The following CNTNAP2 variants were observed in gnomAD, a reference collection of about 807,000 sequenced individuals.
The protein encoded by CNTNAP2 is contactin-associated protein-like 2.
Under a neutral mutation model 155.2 loss-of-function variants are expected in CNTNAP2, and 98 were observed. The observed-to-expected ratio is 0.63, with a 90% confidence interval of 0.54 to 0.75. The LOEUF is 0.75. Ranked by LOEUF, CNTNAP2 falls within the 30% of genes least tolerant of loss-of-function variation. The probability of loss-of-function intolerance (pLI) is 0.00; values close to 1 mark genes in which losing one functional copy is unlikely to be tolerated. For missense variants in CNTNAP2, 1,727 were observed against 1,688.1 expected, an observed-to-expected ratio of 1.02 and a Z score of -0.40; for synonymous variants, 651 against 631.2, an observed-to-expected ratio of 1.03 and a Z score of -0.47.
At chr7:146,782,506 T>A (rs764354252) in intron 2 of CNTNAP2, among the ~76,000 whole-genome samples, 1 of 152,206 alleles carries the variant, frequency 6.6e-6, no homozygotes, top group Non-Finnish European at 1.5e-5. Context: ...AGGACAAGCA[T>A]GGGATTAGCA....
intron 3 of CNTNAP2, among the ~76,000 whole-genome samples, chr7:146,891,785 C>T (rs187889857): frequency 5.3e-5 from 8 of 152,196 alleles, no homozygotes; most frequent in East Asian, 1.9e-4. Context: ...TAGCAGGCCT[C>T]GTCAACACAG....
chr7:147,832,338 A>G (rs1422528200), intron 13 of CNTNAP2, among the ~76,000 whole-genome samples: 1 of 146,488 alleles, frequency 6.8e-6, no homozygotes, highest in East Asian at 2.0e-4. Context: ...CTATATTTAT[A>G]CATATATCTA....
chr7:147,270,676 TCA>T (rs1426613135), intron 8 of CNTNAP2, among the ~76,000 whole-genome samples: 2 of 152,212 alleles, frequency 1.3e-5, no homozygotes, highest in Non-Finnish European at 2.9e-5. Flanking sequence ...CTAATGATTG[TCA>T]CACAGGTGTT....
chr7:146,344,062 A>T (rs550164763), intron 1 of CNTNAP2, among the ~76,000 whole-genome samples: 13 of 152,344 alleles, frequency 8.5e-5, no homozygotes, highest in Middle Eastern at 3.4e-3. Context: ...GAAATAGAGA[A>T]GAAGCTATTG....
intron 15 of CNTNAP2, among the ~76,000 whole-genome samples, chr7:148,070,401 T>C (rs1251109886): frequency 1.3e-5 from 2 of 152,240 alleles, no homozygotes; most frequent in African/African-American, 4.8e-5. Flanking sequence ...TGATTATATT[T>C]TTAAATGTTT....
intron 9 of CNTNAP2, among the ~76,000 whole-genome samples, chr7:147,365,562 T>C (rs1242480714): frequency 6.6e-6 from 1 of 152,102 alleles, no homozygotes; most frequent in African/African-American, 2.4e-5. Flanking sequence ...AACTTCACTT[T>C]CTATTATTTT....
At chr7:147,440,578 C>T (rs1300238997) in intron 10 of CNTNAP2, among the ~76,000 whole-genome samples, 1 of 152,026 alleles carries the variant, frequency 6.6e-6, no homozygotes, top group Non-Finnish European at 1.5e-5. Context: ...TTGGTGATTT[C>T]TTATTGCTCA....
chr7:146,624,613 C>T (rs1293161473), intron 1 of CNTNAP2, among the ~76,000 whole-genome samples: 1 of 151,852 alleles, frequency 6.6e-6, no homozygotes, highest in Non-Finnish European at 1.5e-5. Context: ...CTGCCAATCC[C>T]TCATAGTTTT....
intron 8 of CNTNAP2, among the ~76,000 whole-genome samples, chr7:147,231,486 T>G (rs1436108304): frequency 1.3e-5 from 2 of 152,204 alleles, no homozygotes; most frequent in African/African-American, 4.8e-5. Flanking sequence ...TAGTTCTATT[T>G]TAAGGTTTTT....
intron 8 of CNTNAP2, among the ~76,000 whole-genome samples, chr7:147,263,999 A>G (rs1804550906): frequency 6.6e-6 from 1 of 152,210 alleles, no homozygotes; most frequent in Non-Finnish European, 1.5e-5. Flanking sequence ...TTTTCCTAGC[A>G]GTCAGTGGAG....
At chr7:146,480,230 T>A (rs896422102) in intron 1 of CNTNAP2, among the ~76,000 whole-genome samples, 2 of 152,014 alleles carry the variant, frequency 1.3e-5, no homozygotes, top group African/African-American at 4.8e-5. Context: ...AAATATAAAG[T>A]CCAAAAGGGT....
intron 1 of CNTNAP2, among the ~76,000 whole-genome samples, chr7:146,288,521 G>A (rs796297628): frequency 2.0e-5 from 3 of 151,758 alleles, no homozygotes; most frequent in African/African-American, 4.8e-5. Flanking sequence ...TTATTATAAC[G>A]TTGATGAGAA....
intron 3 of CNTNAP2, among the ~76,000 whole-genome samples, chr7:146,990,172 A>G (rs960704222): frequency 1.3e-5 from 2 of 152,170 alleles, no homozygotes; most frequent in Admixed American, 1.3e-4. Flanking sequence ...TGTTCTTATG[A>G]GTAACATCTT....
intron 8 of CNTNAP2, among the ~76,000 whole-genome samples, chr7:147,167,890 C>T (rs1261135299): frequency 1.3e-5 from 2 of 151,724 alleles, no homozygotes; most frequent in African/African-American, 4.8e-5. Context: ...ATTTCTACTC[C>T]TTTTCATTTA....
intron 1 of CNTNAP2, among the ~76,000 whole-genome samples, chr7:146,333,233 C>T (rs1012103103): frequency 3.9e-5 from 6 of 152,118 alleles, no homozygotes; most frequent in East Asian, 1.9e-4. Context: ...GCATGAGCCA[C>T]GATGCCCGGC....
intron 1 of CNTNAP2, among the ~76,000 whole-genome samples, chr7:146,127,235 G>A (rs752829418): frequency 1.3e-5 from 2 of 152,030 alleles, no homozygotes; most frequent in Admixed American, 1.3e-4. Context: ...TGTTTTAGAG[G>A]AAACTCATTT....
chr7:146,399,540 A>G (rs952915755), intron 1 of CNTNAP2, among the ~76,000 whole-genome samples: 6 of 152,212 alleles, frequency 3.9e-5, no homozygotes, highest in Admixed American at 2.6e-4. Flanking sequence ...TCCACTGTGT[A>G]TATATACCAC....
intron 3 of CNTNAP2, among the ~76,000 whole-genome samples, chr7:146,912,982 T>C (rs1232935904): frequency 6.6e-6 from 1 of 152,152 alleles, no homozygotes; most frequent in Non-Finnish European, 1.5e-5. Context: ...AATTTCATGT[T>C]ATATGTAGAT....
chr7:146,615,938 T>C (rs959928000), intron 1 of CNTNAP2, among the ~76,000 whole-genome samples: 3 of 152,210 alleles, frequency 2.0e-5, no homozygotes, highest in African/African-American at 7.2e-5. Context: ...CCACATAATA[T>C]TAATACTCAC....
Sources: gnomAD v4.1 joint callset for allele counts (sites outside exome capture counted in the v4.1 genomes callset) on GRCh38, gnomAD v4.1.1 for gene constraint, MANE v1.5 for transcripts, NCBI Gene and HGNC (gene_info 2026-07-23, HGNC 2026-07-21) for gene names.